SLC22A23: variants seen among roughly 807,000 people sequenced by gnomAD.
SLC22A23 encodes ion transporter protein.
In SLC22A23, 26 loss-of-function variants were observed where a neutral mutation model predicts 61.0. The observed-to-expected ratio is 0.43, with a 90% CI of 0.31 to 0.59. SLC22A23 has a LOEUF of 0.59. SLC22A23 is among the 20% of genes least tolerant of loss of function. SLC22A23 has a pLI of 0.11. For synonymous variants in SLC22A23, 430 were observed against 413.9 expected (o/e 1.04, Z -0.47); for missense variants, 796 against 934.7 (o/e 0.85, Z 1.94).
chr6:3,456,839 C>G lies in SLC22A23; in HGVS notation c.-280G>C, dbSNP rs2127563174. 1 of 146,758 alleles carries G rather than the reference C, an allele frequency of 6.8e-6. No individual in the cohort carries two copies. Among genetic ancestry groups the G allele is most frequent in the East Asian group, 2.0e-4 (1 of 4,980 alleles). 9.1% of individuals were successfully genotyped at this position (146,758 alleles called of 1,614,324 possible). On this transcript the variant is annotated 5_prime_UTR_variant, in exon 1 of 10. Coordinates refer to ENST00000406686, the MANE Select transcript of SLC22A23 (RefSeq NM_015482.2). The surrounding 1 kb of genome is among the most constrained non-coding windows in gnomAD (Gnocchi z 7.1). ...GCCGCGGCTCATCAGTTCCGCGGCC[C>G]GGGCGCCGGCTGCCGAGCCCGCCGC...
At chr6:3,436,139 TC>T (rs1771193921) in intron 1 of SLC22A23, among the ~76,000 whole-genome samples, 1 of 151,456 alleles carries the variant, frequency 6.6e-6, no homozygotes, top group Non-Finnish European at 1.5e-5. Context: ...TCTCTGGACT[TC>T]CAGAAATGTC....
intron 3 of SLC22A23, among the ~76,000 whole-genome samples, chr6:3,364,352 A>G (rs1765668980): frequency 6.6e-6 from 1 of 152,200 alleles, no homozygotes; most frequent in South Asian, 2.1e-4. Context: ...TCTCTACAGT[A>G]AATTACTCAA....
chr6:3,352,229 G>C (rs1764811801), intron 3 of SLC22A23, among the ~76,000 whole-genome samples: 1 of 151,568 alleles, frequency 6.6e-6, no homozygotes, highest in South Asian at 2.1e-4. Flanking sequence ...ACACGGACAT[G>C]TACAGACACA....
chr6:3,348,859 G>T (rs1461375888), intron 3 of SLC22A23, among the ~76,000 whole-genome samples: 3 of 152,228 alleles, frequency 2.0e-5, no homozygotes, highest in Non-Finnish European at 4.4e-5. Flanking sequence ...ATGACCCAGA[G>T]CCAGGGCAGG....
At chr6:3,345,750 G>A (rs1764398840) in intron 3 of SLC22A23, among the ~76,000 whole-genome samples, 1 of 152,190 alleles carries the variant, frequency 6.6e-6, no homozygotes, top group Non-Finnish European at 1.5e-5. Flanking sequence ...ATATGGAATT[G>A]AGATGGTCAA....
intron 2 of SLC22A23, among the ~76,000 whole-genome samples, chr6:3,413,514 G>A (rs1282069588): frequency 2.6e-5 from 4 of 152,230 alleles, no homozygotes; most frequent in South Asian, 2.1e-4. Flanking sequence ...AGAAGTGAGC[G>A]CATCCCTGGG....
At chr6:3,321,705 TG>T (rs1561896347) in intron 4 of SLC22A23, among the ~76,000 whole-genome samples, 1 of 151,978 alleles carries the variant, frequency 6.6e-6, no homozygotes, top group East Asian at 1.9e-4. Context: ...CTGGGACAGG[TG>T]GGTGCAGAGC....
chr6:3,426,519 T>C (rs1208511564), intron 1 of SLC22A23, among the ~76,000 whole-genome samples: 1 of 152,208 alleles, frequency 6.6e-6, no homozygotes, highest in Non-Finnish European at 1.5e-5. Context: ...AACATTTTAA[T>C]TGAGACCTAC....
rs372807040 is a variant in SLC22A23, at chr6:3,273,131, G to T, written c.1985C>A (p.Ser662Ter). The change falls in exon 10 of 10, where the codon TCG becomes TAG. Residue 662 changes from serine (S) to a stop codon, truncating the protein, a stop_gained. Coordinates refer to ENST00000406686, the MANE Select transcript of SLC22A23 (RefSeq NM_015482.2). LOFTEE classifies it high-confidence loss of function. ...CGCGGCTGCGGCATCGTGGAGGCCC[G>T]AGTAGTCCTTGAGCTCGGCGTTGGT... ...LLTNAELKDY[S>*]GLHDAAAAGD... is the part of the protein sequence containing the mutation. 6.2e-7 allele frequency: 1 copy of T among 1,609,158 alleles called. No individual in the cohort carries two copies. The highest frequency in any genetic ancestry group is 8.5e-7 in the Non-Finnish European group (1 of 1,179,538).
chr6:3,278,329 C>G (rs943110262), intron 9 of SLC22A23, among the ~76,000 whole-genome samples: 6 of 151,786 alleles, frequency 4.0e-5, no homozygotes, highest in Non-Finnish European at 8.8e-5. Flanking sequence ...GAAAGAGTTG[C>G]AGGAATAGCC....
In SLC22A23 at chr6:3,398,969, C is replaced by T. The variant is rs111622749; in HGVS notation, c.913+11219G>A. Among the ~76,000 whole-genome samples, 143 of 152,206 alleles carry T rather than the reference C, an allele frequency of 9.4e-4. 2 individuals carry two copies. The Middle Eastern group carries it at 0.01, about 11-fold the overall frequency. On this transcript the variant is annotated intron_variant, in intron 3 of 9. Coordinates refer to ENST00000406686, the MANE Select transcript of SLC22A23 (RefSeq NM_015482.2). The stretch of plus-strand genomic sequence containing the variant: ...CTTTGAGGCCAGGAGGTCGAGACTT[C>T]GGTCAGCTGTGACCGCACCACTGCA...
rs998431391 is a variant in SLC22A23, at chr6:3,454,146, G to A, written c.654+1760C>T. ...TTCCCAGGTTTCCCCTCTCAGTCTG[G>A]CCCAGTAACTGCAACGTGTCATCAA... On this transcript the variant is annotated intron_variant, in intron 1 of 9. Coordinates refer to ENST00000406686, the MANE Select transcript of SLC22A23 (RefSeq NM_015482.2). This position sits in a 1 kb window ranked among gnomAD's most constrained non-coding sequence, Gnocchi z 4.3. Among the ~76,000 whole-genome samples the A allele has an allele frequency of 6.6e-6, 1 of 151,962 alleles. No individual in the cohort carries two copies. Among genetic ancestry groups the A allele is most frequent in the African/African-American group, 2.4e-5 (1 of 41,360 alleles).
intron 3 of SLC22A23, among the ~76,000 whole-genome samples, chr6:3,347,709 ATTTT>A (rs1413928293): frequency 4.0e-5 from 6 of 151,852 alleles, no homozygotes; most frequent in Non-Finnish European, 5.9e-5. Flanking sequence ...TAAAAATCTG[ATTTT>A]TTTATGACTT....
At position 3,410,136 on chromosome 6, in the gene SLC22A23, A is replaced by G. The variant is rs1347089357; in HGVS notation, c.913+52T>C. On this transcript the variant is annotated intron_variant, in intron 3 of 9. Coordinates refer to ENST00000406686, the MANE Select transcript of SLC22A23 (RefSeq NM_015482.2). This position sits in a 1 kb window ranked among gnomAD's most constrained non-coding sequence, Gnocchi z 5.0. ...TATCTTTCCCAGAACCTCCCAGGCA[A>G]CAATACTTTTGCTAAATTCTTTCAA... 15 of 1,562,270 alleles carry G rather than the reference A, an allele frequency of 9.6e-6. No homozygotes were observed. The East Asian group carries it at 3.4e-4, about 36-fold the overall frequency.
intron 4 of SLC22A23, among the ~76,000 whole-genome samples, chr6:3,310,838 C>G (rs1318195293): frequency 6.6e-6 from 1 of 152,238 alleles, no homozygotes; most frequent in Non-Finnish European, 1.5e-5. Flanking sequence ...CGTCTACCCT[C>G]TTTAACGTAC....
chr6:3,292,516 A>G (rs1380914357), intron 5 of SLC22A23, among the ~76,000 whole-genome samples: 1 of 152,186 alleles, frequency 6.6e-6, no homozygotes, highest in Non-Finnish European at 1.5e-5. Flanking sequence ...AGGAGGACAC[A>G]TCAGCCTGCT....
intron 3 of SLC22A23, among the ~76,000 whole-genome samples, chr6:3,348,520 T>C (rs925396464): frequency 3.3e-5 from 5 of 152,134 alleles, no homozygotes; most frequent in Non-Finnish European, 5.9e-5. Flanking sequence ...CCTAAGTGAG[T>C]GCACACTATA....
At chr6:3,392,331 T>C (rs928395447) in intron 3 of SLC22A23, among the ~76,000 whole-genome samples, 2 of 152,248 alleles carry the variant, frequency 1.3e-5, no homozygotes, top group Non-Finnish European at 2.9e-5. Flanking sequence ...AGCCCAGGAC[T>C]GACTATATTG....
intron 2 of SLC22A23, among the ~76,000 whole-genome samples, chr6:3,412,287 C>A (rs1180025133): frequency 2.6e-5 from 4 of 152,174 alleles, no homozygotes; most frequent in African/African-American, 9.7e-5. Flanking sequence ...ACAGGGCAAA[C>A]ACTGTCTTTG....
Sources: allele counts gnomAD v4.1 joint callset (sites outside exome capture counted in the v4.1 genomes callset), GRCh38; gene constraint gnomAD v4.1.1; non-coding constraint Gnocchi (gnomAD v3.1); transcripts MANE v1.5; gene names NCBI Gene and HGNC (gene_info 2026-07-23, HGNC 2026-07-21).